CTSS: variants seen among roughly 807,000 people sequenced by gnomAD.
CTSS encodes the protein cathepsin S.
A neutral mutation model predicts 39.9 loss-of-function variants in CTSS; 15 were observed. That is an observed-to-expected ratio of 0.38 (90% CI 0.25 to 0.58). CTSS has a LOEUF of 0.58. CTSS is among the 20% of genes least tolerant of loss of function. The pLI is 0.70. For synonymous variants in CTSS, 126 were observed against 138.2 expected (o/e 0.91, Z 0.62); for missense variants, 250 against 398.2 (o/e 0.63, Z 3.17).
chr1:150,738,837 T>C (rs1652688191), intron 7 of CTSS, among the ~76,000 whole-genome samples: 1 of 152,112 alleles, frequency 6.6e-6, no homozygotes, highest in South Asian at 2.1e-4. Flanking sequence ...CCCCCATCTC[T>C]CTCTCTCTCC....
rs1485810581 is a variant in CTSS at position 150,730,236 on chromosome 1, G to A, written c.*2810C>T. On this transcript the variant is annotated 3_prime_UTR_variant, in exon 8 of 8. Transcript: ENST00000368985. ...ATTTAATATAAGTTTTACACGACAC[G>A]AGGGGCTCCATAAGGAAATAAAGGC... is the stretch of plus-strand genomic sequence containing the variant. The A allele has an allele frequency of 1.3e-5, 2 of 152,062 alleles. No individual in the cohort carries two copies. Among genetic ancestry groups the A allele is most frequent in the Non-Finnish European group, 2.9e-5 (2 of 68,024 alleles). The allele number at this position is 152,062 out of a possible 1,614,324, so 9.4% of individuals were successfully genotyped here. A position where few individuals can be genotyped will look rare whatever the true frequency, so the allele number is the denominator to read the frequency against.
rs1652540592 is a variant in CTSS, at chr1:150,732,266, C to CTAA, written c.*777_*779dup. ...TCTGAGTCCTTAGGACATTTATAGC[C>CTAA]TAATATTTTCTTCCATCAAAGTTGC... is the stretch of plus-strand genomic sequence containing the variant. On this transcript the variant is annotated 3_prime_UTR_variant, in exon 8 of 8. Transcript: ENST00000368985. 1 of 152,136 alleles carries CTAA rather than the reference C, an allele frequency of 6.6e-6. No homozygotes were observed. Among genetic ancestry groups the CTAA allele is most frequent in the Non-Finnish European group, 1.5e-5 (1 of 68,028 alleles). 9.4% of individuals were successfully genotyped at this position (152,136 alleles called of 1,614,324 possible). A position where few individuals can be genotyped will look rare whatever the true frequency, so the allele number is the denominator to read the frequency against.
chr1:150,758,484 ATAT>A (rs72315592), intron 2 of CTSS, among the ~76,000 whole-genome samples: 8,770 of 152,018 alleles, frequency 0.058, 838 homozygotes, highest in African/African-American at 0.2. Context: ...TGATGGTTTA[ATAT>A]TATTTTATGA....
intron 2 of CTSS, among the ~76,000 whole-genome samples, chr1:150,761,043 G>C (rs1437472570): frequency 6.6e-6 from 1 of 151,930 alleles, no homozygotes; most frequent in Non-Finnish European, 1.5e-5. Context: ...GCTAGGTGTG[G>C]TGGCGTGTGC....
At position 150,738,024 on chromosome 1, in the gene CTSS, T is replaced by G. The variant is rs587749325; in HGVS notation, c.897-4879A>C. On this transcript the variant is annotated intron_variant, in intron 7 of 7. Coordinates refer to ENST00000368985, the MANE Select transcript of CTSS (RefSeq NM_004079.5). The stretch of plus-strand genomic sequence containing the variant: ...GGAGAGGCAGGCTAAGGCCAGATAA[T>G]GTCATGCTTTACAGGTCATGGGTTT... Among the ~76,000 whole-genome samples, 19 of 152,280 alleles carry G rather than the reference T, an allele frequency of 1.2e-4. No individual in the cohort carries two copies. The South Asian group carries it at 3.7e-3, about 30-fold the overall frequency.
chr1:150,764,703 C>A lies in CTSS; in HGVS notation c.61G>T (p.Asp21Tyr). ...TGCCAGTGGTGATCCAGGGTAGGATCTTTATGCAACTGTGCCACTGCAGAG... is the reference window on the plus strand; with the variant it reads ...TGCCAGTGGTGATCCAGGGTAGGATATTTATGCAACTGTGCCACTGCAGAG... Reference protein sequence around the residue: ...CSSAVAQLHKDPTLDHHWHLW... With the variant: ...CSSAVAQLHKYPTLDHHWHLW... Residue 21 changes from aspartate (D) to tyrosine (Y), a missense_variant, in exon 2 of 8, where the codon GAT becomes TAT. Physicochemically the swap from Asp to Tyr is radical, Grantham distance 160. Coordinates refer to ENST00000368985, the MANE Select transcript of CTSS (RefSeq NM_004079.5). 3.7e-6 allele frequency: 6 copies of A among 1,614,144 alleles called. No homozygotes were observed. In the South Asian group the frequency reaches 5.5e-5, roughly 15 times the overall value.
intron 2 of CTSS, among the ~76,000 whole-genome samples, chr1:150,761,012 C>T (rs1365994458): frequency 6.6e-6 from 1 of 151,470 alleles, no homozygotes; most frequent in Non-Finnish European, 1.5e-5. Context: ...AACCCCATCT[C>T]TACTAAAAAC....
In CTSS at chr1:150,755,109, A is replaced by T. The variant is rs1468917598; in HGVS notation, c.291T>A (p.Val97=). The part of the protein sequence containing the change: ...EVMSLMSSLR[V]PSQWQRNITY... ...TGATATTTCTCTGCCACTGGCTGGG[A>T]ACTCTCAGGGAACTCATCAAAGACA... The change falls in exon 4 of 8, where the codon GTT becomes GTA. Residue 97 remains valine (V), a synonymous_variant. Coordinates refer to ENST00000368985, the MANE Select transcript of CTSS (RefSeq NM_004079.5). 6.2e-7 allele frequency: 1 copy of T among 1,614,196 alleles called. No homozygotes were observed. Among genetic ancestry groups the T allele is most frequent in the Non-Finnish European group, 8.5e-7 (1 of 1,180,034 alleles).
Position 150,751,943 on chromosome 1 carries a change from T to C in CTSS, c.465A>G (p.Lys155=). 3 of 1,614,188 alleles carry C rather than the reference T, an allele frequency of 1.9e-6. No homozygotes were observed. Among genetic ancestry groups the C allele is most frequent in the South Asian group, 1.1e-5 (1 of 91,086 alleles). Residue 155 remains lysine, a synonymous_variant, in exon 5 of 8, where the codon AAA becomes AAG. Coordinates refer to ENST00000368985, the MANE Select transcript of CTSS (RefSeq NM_004079.5). ...VGALEAQLKL[K]TGKLVSLSAQ... The stretch of plus-strand genomic sequence containing the variant: ...CACTGAGAGACACCAGCTTTCCTGT[T>C]TTCAGCTTCAGCTGTGCTTCCAGGG...
At chr1:150,762,662 A>G (rs187325212) in intron 2 of CTSS, among the ~76,000 whole-genome samples, 1 of 152,336 alleles carries the variant, frequency 6.6e-6, no homozygotes, top group Admixed American at 6.5e-5. Flanking sequence ...GCCAACAGAT[A>G]TATGAAAAAA....
At chr1:150,764,089 T>TA (rs1653315598) in intron 2 of CTSS, among the ~76,000 whole-genome samples, 1 of 152,072 alleles carries the variant, frequency 6.6e-6, no homozygotes, top group African/African-American at 2.4e-5. Context: ...CTACAACACT[T>TA]ATCACCATCT....
chr1:150,756,726 T>C (rs1206817264), intron 3 of CTSS, among the ~76,000 whole-genome samples: 1 of 147,612 alleles, frequency 6.8e-6, no homozygotes. Context: ...TTTTTTTTTT[T>C]CTCTTTTGAG....
chr1:150,757,608 A>G (rs1461626339), intron 3 of CTSS, among the ~76,000 whole-genome samples: 3 of 152,188 alleles, frequency 2.0e-5, no homozygotes, highest in Non-Finnish European at 4.4e-5. Context: ...TATTAAAAAA[A>G]AAACAATGGT....
intron 5 of CTSS, 77 bp from the exon 6 acceptor site, chr1:150,750,248 T>C: frequency 8.6e-7 from 1 of 1,157,818 alleles, no homozygotes; most frequent in Non-Finnish European, 1.2e-6. Flanking sequence ...GCCTGGATTT[T>C]AAATGTCTCC....
At position 150,751,824 on chromosome 1, in the gene CTSS, T is replaced by C. The variant is rs1254612670; in HGVS notation, c.584A>G (p.Asn195Ser). 1 of 1,614,168 alleles carries C rather than the reference T, an allele frequency of 6.2e-7. No homozygotes were observed. The highest frequency in any genetic ancestry group is 1.1e-5 in the South Asian group (1 of 91,080). Residue 195 changes from asparagine (N) to serine (S), a missense_variant, in exon 5 of 8, where the codon AAC becomes AGC. By Grantham distance (46) the Asn-to-Ser change is conservative (BLOSUM62 1). Transcript: ENST00000368985. ...GGAAGCGTCTGAGTCGATGCCCTTGTTATCAATGATGTACTGGAAAGCCGT... is the reference window on the plus strand; with the variant it reads ...GGAAGCGTCTGAGTCGATGCCCTTGCTATCAATGATGTACTGGAAAGCCGT... ...MTTAFQYIIDNKGIDSDASYP... is the reference protein window; with the variant it reads ...MTTAFQYIIDSKGIDSDASYP...
chr1:150,739,088 G>A (rs977423066), intron 7 of CTSS, among the ~76,000 whole-genome samples: 2 of 152,112 alleles, frequency 1.3e-5, no homozygotes, highest in Admixed American at 6.6e-5. Context: ...CAGTTACTCC[G>A]GAGGCTGAGG....
At chr1:150,740,534 G>T (rs1431186377) in intron 7 of CTSS, among the ~76,000 whole-genome samples, 1 of 152,056 alleles carries the variant, frequency 6.6e-6, no homozygotes, top group Admixed American at 6.6e-5. Flanking sequence ...GGGACTACAG[G>T]CATGCGCCAC....
chr1:150,759,576 A>G (rs185896077), intron 2 of CTSS, among the ~76,000 whole-genome samples: 20 of 152,072 alleles, frequency 1.3e-4, no homozygotes, highest in African/African-American at 4.8e-4. Flanking sequence ...TTTCTAATTT[A>G]TTTCTTGTCC....
intron 7 of CTSS, among the ~76,000 whole-genome samples, chr1:150,733,705 T>C (rs926540338): frequency 6.6e-6 from 1 of 152,162 alleles, no homozygotes; most frequent in African/African-American, 2.4e-5. Context: ...GGCTCACACT[T>C]GTAATCCAAG....
Sources: gnomAD v4.1 joint callset for allele counts (sites outside exome capture counted in the v4.1 genomes callset) on GRCh38, gnomAD v4.1.1 for gene constraint, MANE v1.5 for transcripts, NCBI Gene and HGNC (gene_info 2026-07-23, HGNC 2026-07-21) for gene names.